The following ARHGAP20 variants were observed in gnomAD, a reference collection of about 807,000 sequenced individuals.
The protein encoded by ARHGAP20 is Rho GTPase activating protein 20, also known as rho GTPase-activating protein 20.
ARHGAP20 carries 34 observed loss-of-function variants against 73.7 expected under a neutral mutation model. The ratio of observed to expected loss-of-function variants is 0.46; its 90% CI spans 0.35 to 0.61. The LOEUF (loss-of-function observed/expected upper bound fraction) is 0.61. Among genes scored for constraint, ARHGAP20 ranks in the 20% least tolerant of loss-of-function variants. ARHGAP20 has a pLI of 0.00. For synonymous variants in ARHGAP20, 523 were observed against 518.2 expected (o/e 1.01, Z -0.13); for missense variants, 1,314 against 1,420.9 (o/e 0.92, Z 1.21).
At chr11:110,637,838 A>T (rs1415133568) in intron 2 of ARHGAP20, among the ~76,000 whole-genome samples, 1 of 152,144 alleles carries the variant, frequency 6.6e-6, no homozygotes, top group Non-Finnish European at 1.5e-5. Flanking sequence ...AAGGATGAAC[A>T]GAGAGACCAA....
chr11:110,666,742 A>G (rs938916993), intron 2 of ARHGAP20, among the ~76,000 whole-genome samples: 1 of 152,062 alleles, frequency 6.6e-6, no homozygotes, highest in Non-Finnish European at 1.5e-5. Flanking sequence ...TATTATTACT[A>G]TTTTATCTGT....
intron 12 of ARHGAP20, among the ~76,000 whole-genome samples, chr11:110,584,977 A>G (rs1346615138): frequency 7.3e-6 from 1 of 136,506 alleles, no homozygotes; most frequent in South Asian, 2.4e-4. Context: ...ATATGAATAT[A>G]TATGTGAAAA....
intron 2 of ARHGAP20, among the ~76,000 whole-genome samples, chr11:110,654,518 A>G (rs1949424869): frequency 6.6e-6 from 1 of 152,252 alleles, no homozygotes; most frequent in Admixed American, 6.5e-5. Context: ...GATGCACATT[A>G]AAGTGTGAAA....
At chr11:110,598,848 C>T (rs920853212) in intron 9 of ARHGAP20, among the ~76,000 whole-genome samples, 2 of 152,038 alleles carry the variant, frequency 1.3e-5, no homozygotes, top group Non-Finnish European at 2.9e-5. Context: ...GGCTGTGGAC[C>T]CTGGAATCCC....
chr11:110,605,943 A>G (rs1238798942), intron 9 of ARHGAP20, among the ~76,000 whole-genome samples: 1 of 152,204 alleles, frequency 6.6e-6, no homozygotes, highest in African/African-American at 2.4e-5. Context: ...TGCTTATACA[A>G]TCTTCCTTTC....
intron 1 of ARHGAP20, among the ~76,000 whole-genome samples, chr11:110,707,450 T>C (rs1950570097): frequency 6.6e-6 from 1 of 152,188 alleles, no homozygotes; most frequent in Non-Finnish European, 1.5e-5. Flanking sequence ...AAATTTATTG[T>C]ATATTCTTTG....
intron 2 of ARHGAP20, among the ~76,000 whole-genome samples, chr11:110,683,362 C>T (rs964444732): frequency 6.6e-6 from 1 of 152,072 alleles, no homozygotes; most frequent in Non-Finnish European, 1.5e-5. Flanking sequence ...AAAAAATCTC[C>T]ATTTTCCCTA....
At chr11:110,710,546 G>A (rs1950629229) in intron 1 of ARHGAP20, among the ~76,000 whole-genome samples, 1 of 152,280 alleles carries the variant, frequency 6.6e-6, no homozygotes, top group Middle Eastern at 3.4e-3. Flanking sequence ...ATTTATGTCA[G>A]TAAATGTAGG....
At chr11:110,639,221 C>A (rs2134979443) in intron 2 of ARHGAP20, among the ~76,000 whole-genome samples, 1 of 142,878 alleles carries the variant, frequency 7.0e-6, no homozygotes, top group East Asian at 2.0e-4. Context: ...GCAGCACACA[C>A]TCATATTTTA....
chr11:110,630,710 G>C lies in ARHGAP20; in HGVS notation c.271C>G (p.Arg91Gly), dbSNP rs34577374. The C allele has an allele frequency of 5.6e-5, 90 of 1,613,926 alleles. No individual in the cohort carries two copies. Among genetic ancestry groups the C allele is most frequent in the Middle Eastern group, 1.6e-4 (1 of 6,084 alleles). The change falls in exon 3 of 15, where the codon CGG becomes GGG. Residue 91 changes from arginine (R) to glycine (G), a missense_variant. By Grantham distance (125) the Arg-to-Gly change is moderately radical (BLOSUM62 -2). Transcript: ENST00000683387. ...CSNRTLLIDG[R>G]AELKRGLQRQ... ...TGGAGGCCTCTTTTGAGTTCTGCCC[G>C]GCCATCAATCAGCAGAGTCCTATTG...
intron 2 of ARHGAP20, 32 bp from the exon 3 acceptor site, chr11:110,630,824 A>C: frequency 6.2e-6 from 10 of 1,601,048 alleles, no homozygotes; most frequent in Non-Finnish European, 8.5e-6. Flanking sequence ...AGATCAGTCA[A>C]ACGATCATCT....
At chr11:110,706,359 A>C (rs1950552697) in intron 1 of ARHGAP20, among the ~76,000 whole-genome samples, 1 of 152,144 alleles carries the variant, frequency 6.6e-6, no homozygotes, top group African/African-American at 2.4e-5. Context: ...CACCTACCTC[A>C]TATAATTGAT....
In ARHGAP20 at chr11:110,712,182, C is replaced by T. The variant is rs775732371; in HGVS notation, c.50G>A (p.Arg17His). Residue 17 changes from arginine (R) to histidine (H), a missense_variant, in exon 1 of 15, where the codon CGC (arginine) becomes CAC (histidine). This residue lies in a region of ARHGAP20 where 443 missense variants were observed against 466.4 expected (regional missense o/e 0.95). Transcript: ENST00000683387. ...AGACACTCCTGTCAGGGAAGAGGAGCGCCCCGGCTGTCCCCCTAGAGTCTC... is the reference window on the plus strand; with the variant it reads ...AGACACTCCTGTCAGGGAAGAGGAGTGCCCCGGCTGTCCCCCTAGAGTCTC... ...QQETLGGQPG[R>H]SSSLTGVSRL... is the part of the protein sequence containing the mutation. 3.7e-6 allele frequency: 5 copies of T among 1,364,458 alleles called. No homozygotes were observed. In the South Asian group the frequency reaches 6.8e-5, roughly 19 times the overall value. The allele number at this position is 1,364,458 out of a possible 1,614,324, so 84.5% of individuals were successfully genotyped here. A position where few individuals can be genotyped will look rare whatever the true frequency, so the allele number is the denominator to read the frequency against.
intron 2 of ARHGAP20, among the ~76,000 whole-genome samples, chr11:110,665,030 T>C (rs1395457411): frequency 1.3e-5 from 2 of 152,010 alleles, no homozygotes; most frequent in Non-Finnish European, 2.9e-5. Context: ...CCAATTAAAA[T>C]AGAAGTAAAT....
chr11:110,637,552 G>A (rs1409091554), intron 2 of ARHGAP20, among the ~76,000 whole-genome samples: 1 of 151,968 alleles, frequency 6.6e-6, no homozygotes, highest in Non-Finnish European at 1.5e-5. Flanking sequence ...AACATTTATT[G>A]TGCATACAAT....
chr11:110,650,087 G>T (rs574878040), intron 2 of ARHGAP20, among the ~76,000 whole-genome samples: 2 of 151,926 alleles, frequency 1.3e-5, no homozygotes, highest in Admixed American at 6.6e-5. Context: ...ATTATTTGTC[G>T]ACTAATAATA....
At position 110,712,111 on chromosome 11, in the gene ARHGAP20, C is replaced by G. The variant is rs7112669; in HGVS notation, c.105+16G>C. On this transcript the variant is annotated intron_variant, in intron 1 of 14. Transcript: ENST00000683387. ...TGCGGCGGCGGAGGGCACGGGCCCC[C>G]GCTCAGCGTCCTCACCTTCTTGGTG... 9 of 1,311,716 alleles carry G rather than the reference C, an allele frequency of 6.9e-6. No individual in the cohort carries two copies. The highest frequency in any genetic ancestry group is 6.1e-5 in the African/African-American group (4 of 65,144). The allele number at this position is 1,311,716 out of a possible 1,614,324, so 81.3% of individuals were successfully genotyped here.
At chr11:110,659,784 C>A (rs1949557710) in intron 2 of ARHGAP20, among the ~76,000 whole-genome samples, 1 of 151,850 alleles carries the variant, frequency 6.6e-6, no homozygotes, top group South Asian at 2.1e-4. Flanking sequence ...AATCATCATT[C>A]TCAGTAAACT....
At chr11:110,666,655 A>AT (rs1287816648) in intron 2 of ARHGAP20, among the ~76,000 whole-genome samples, 1 of 152,148 alleles carries the variant, frequency 6.6e-6, no homozygotes, top group African/African-American at 2.4e-5. Flanking sequence ...TATCAGCACC[A>AT]TTTTTTTCCA....
Sources: allele counts gnomAD v4.1 joint callset (sites outside exome capture counted in the v4.1 genomes callset), GRCh38; gene constraint gnomAD v4.1.1; regional missense constraint gnomAD v4.1.1; transcripts MANE v1.5; gene names NCBI Gene and HGNC (gene_info 2026-07-23, HGNC 2026-07-21).